ASIC2: variants seen among roughly 807,000 people sequenced by gnomAD.
ASIC2 encodes acid-sensing ion channel 2.
A neutral mutation model predicts 57.3 loss-of-function variants in ASIC2; 25 were observed. That is an observed-to-expected ratio of 0.44 (90% CI 0.32 to 0.61). ASIC2 has a LOEUF of 0.61. Ranked by LOEUF, ASIC2 falls within the 20% of genes least tolerant of loss-of-function variation. ASIC2 has a pLI of 0.06. For missense variants in ASIC2, 641 were observed against 738.1 expected (o/e 0.87, Z 1.52); for synonymous variants, 319 against 307.5 (o/e 1.04, Z -0.39).
intron 1 of ASIC2, among the ~76,000 whole-genome samples, chr17:33,716,769 T>C (rs1198529139): frequency 6.6e-6 from 1 of 152,234 alleles, no homozygotes; most frequent in African/African-American, 2.4e-5. Flanking sequence ...TGATTATCTA[T>C]ATGTCTGTGT....
At chr17:33,082,620 A>C (rs2092117280) in intron 3 of ASIC2, among the ~76,000 whole-genome samples, 1 of 151,832 alleles carries the variant, frequency 6.6e-6, no homozygotes, top group East Asian at 1.9e-4. Flanking sequence ...ATTTGCTTGA[A>C]CTCAGGAGGT....
Position 33,292,929 on chromosome 17 carries a change from GGT to G in ASIC2, c.-816_-815del. The G allele has an allele frequency of 2.0e-6, 2 of 985,544 alleles. No homozygotes were observed. The highest frequency in any genetic ancestry group is 9.4e-5 in the South Asian group (2 of 21,296). The allele number at this position is 985,544 out of a possible 1,614,324, so 61.0% of individuals were successfully genotyped here. ...CCTGCGGGAGGCTGTTCGCCGCCGG[GGT>G]CCTTCAAGGATGCTAGCCGCAGGGA... On this transcript the variant is annotated 5_prime_UTR_variant, in exon 1 of 10. Transcript: ENST00000225823.
intron 3 of ASIC2, among the ~76,000 whole-genome samples, chr17:33,029,995 A>C (rs936746493): frequency 2.0e-5 from 3 of 152,150 alleles, no homozygotes; most frequent in Admixed American, 6.5e-5. Flanking sequence ...GGGTTGTAAG[A>C]GTTGTTCATA....
intron 1 of ASIC2, among the ~76,000 whole-genome samples, chr17:33,954,347 C>T (rs1904670277): frequency 6.6e-6 from 1 of 152,180 alleles, no homozygotes; most frequent in South Asian, 2.1e-4. Flanking sequence ...AGCAGTCAAA[C>T]TGGGCCACAC....
intron 3 of ASIC2, among the ~76,000 whole-genome samples, chr17:33,085,243 C>T (rs889772778): frequency 6.6e-6 from 1 of 152,180 alleles, no homozygotes; most frequent in Non-Finnish European, 1.5e-5. Flanking sequence ...TTGATAGCAA[C>T]GTAGCTGCCA....
chr17:33,261,191 A>C (rs1262564985), intron 1 of ASIC2, among the ~76,000 whole-genome samples: 1 of 152,156 alleles, frequency 6.6e-6, no homozygotes. Context: ...TCTCCAAACT[A>C]GCTTTTTGCC....
intron 1 of ASIC2, among the ~76,000 whole-genome samples, chr17:33,250,053 T>C (rs954339876): frequency 6.6e-6 from 1 of 152,200 alleles, no homozygotes; most frequent in South Asian, 2.1e-4. Context: ...GGAGTAATCC[T>C]GCTTCTGACA....
chr17:33,700,168 T>C (rs1908652849), intron 1 of ASIC2, among the ~76,000 whole-genome samples: 1 of 152,202 alleles, frequency 6.6e-6, no homozygotes, highest in Middle Eastern at 3.4e-3. Flanking sequence ...TAAGCTGGGA[T>C]CCTCAAAGGG....
chr17:33,254,846 A>G (rs1218598767), intron 1 of ASIC2, among the ~76,000 whole-genome samples: 4 of 152,124 alleles, frequency 2.6e-5, no homozygotes, highest in African/African-American at 9.7e-5. Flanking sequence ...ATCCCCACAC[A>G]GACACGTGCA....
intron 1 of ASIC2, among the ~76,000 whole-genome samples, chr17:33,527,308 C>T (rs553560312): frequency 3.3e-4 from 51 of 152,274 alleles, no homozygotes; most frequent in South Asian, 2.9e-3. Context: ...GACCAAGCAA[C>T]AGCTAAAGGC....
At chr17:33,997,514 C>T (rs1906202024) in intron 1 of ASIC2, among the ~76,000 whole-genome samples, 1 of 151,826 alleles carries the variant, frequency 6.6e-6, no homozygotes, top group African/African-American at 2.4e-5. Flanking sequence ...CTGTGGGCTT[C>T]TCATATATGG....
chr17:34,138,459 C>T (rs1052772622), intron 1 of ASIC2, among the ~76,000 whole-genome samples: 4 of 152,214 alleles, frequency 2.6e-5, no homozygotes, highest in Non-Finnish European at 5.9e-5. Flanking sequence ...CATGGAAGCA[C>T]AAGCATTGGG....
At chr17:33,703,858 G>A (rs893954938) in intron 1 of ASIC2, among the ~76,000 whole-genome samples, 2 of 152,080 alleles carry the variant, frequency 1.3e-5, no homozygotes, top group Admixed American at 1.3e-4. Context: ...GGTGGGCCAG[G>A]CCAGAGCTCC....
In ASIC2 at chr17:33,268,341, TCATCCATCCATCCATCCATCCATC is replaced by T. The variant is rs35123270; in HGVS notation, c.708+23043_708+23066del. 1.4e-3 allele frequency among the ~76,000 whole-genome samples: 206 copies of T among 147,932 alleles called. 2 individuals are homozygous for T. The East Asian group carries it at 0.037, about 26-fold the overall frequency. On this transcript the variant is annotated intron_variant, in intron 1 of 9. Coordinates refer to ENST00000225823, the MANE Select transcript of ASIC2 (RefSeq NM_183377.2). ...CACCCATCATCCATCCATCTTTCCATCATCCATCCATCCATCCATCCATCCATCCATCCATCCATCCATCCATCC... is the reference window on the plus strand; with the variant it reads ...CACCCATCATCCATCCATCTTTCCATCATCCATCCATCCATCCATCCATCC...
At chr17:34,142,280 T>C (rs1912291958) in intron 1 of ASIC2, among the ~76,000 whole-genome samples, 1 of 152,002 alleles carries the variant, frequency 6.6e-6, no homozygotes, top group Non-Finnish European at 1.5e-5. Flanking sequence ...AACTGCTATA[T>C]CCCGTGAGGA....
chr17:34,139,055 T>C (rs988638900), intron 1 of ASIC2, among the ~76,000 whole-genome samples: 1 of 152,212 alleles, frequency 6.6e-6, no homozygotes, highest in Non-Finnish European at 1.5e-5. Context: ...AAACCTCTAA[T>C]GAAATTACTG....
chr17:33,865,770 AAC>A (rs1238642385), intron 1 of ASIC2, among the ~76,000 whole-genome samples: 5 of 84,214 alleles, frequency 5.9e-5, no homozygotes, highest in African/African-American at 2.0e-4. Flanking sequence ...AAAAAAAAAA[AAC>A]AAAAAAAAAA....
At chr17:33,834,598 T>C (rs1913216296) in intron 1 of ASIC2, 1 of 152,232 alleles carries the variant, frequency 6.6e-6, no homozygotes, top group South Asian at 2.1e-4. Flanking sequence ...CAGCCAGGTT[T>C]AACATGGAAG....
intron 1 of ASIC2, among the ~76,000 whole-genome samples, chr17:33,966,804 G>A (rs146517414): frequency 0.01 from 1,545 of 152,252 alleles, 19 homozygotes; most frequent in Admixed American, 0.025. Flanking sequence ...GTTGATTTCC[G>A]GCTCTGTTTT....
Sources: gnomAD v4.1 joint callset for allele counts (sites outside exome capture counted in the v4.1 genomes callset) on GRCh38, gnomAD v4.1.1 for gene constraint, MANE v1.5 for transcripts, NCBI Gene and HGNC (gene_info 2026-07-23, HGNC 2026-07-21) for gene names.